Variants in TMPRSS9 observed in about 807,000 individuals in gnomAD.
TMPRSS9 encodes the protein transmembrane protease serine 9.
TMPRSS9 carries 113 observed loss-of-function variants against 111.4 expected under a neutral mutation model. The observed-to-expected ratio is 1.01, with a 90% confidence interval of 0.87 to 1.19. The LOEUF is 1.19. TMPRSS9 is among the 50% of genes most tolerant of loss of function. TMPRSS9 has a pLI of 0.00. For missense variants in TMPRSS9, 1,803 were observed against 1,513.1 expected (o/e 1.19, Z -3.18); for synonymous variants, 805 against 659.1 (o/e 1.22, Z -3.39).
chr19:2,425,777 T>C lies in TMPRSS9; in HGVS notation c.3121-150T>C, dbSNP rs534837455. 4.9e-3 allele frequency: 6,194 copies of C among 1,265,706 alleles called. 19 individuals carry two copies. Among genetic ancestry groups the C allele is most frequent in the South Asian group, 7.7e-3 (488 of 63,212 alleles). 78.4% of individuals were successfully genotyped at this position (1,265,706 alleles called of 1,614,324 possible). A position where few individuals can be genotyped will look rare whatever the true frequency, so the allele number is the denominator to read the frequency against. On this transcript the variant is annotated intron_variant, in intron 17 of 17. Transcript: ENST00000648592. ...CACGTGGCGGGTGTCCATAAATGTC[T>C]GCCACCTTTGCATTGAGCCCATTTT...
chr19:2,402,181 C>G (rs1970863877), intron 5 of TMPRSS9, among the ~76,000 whole-genome samples, 165 bp downstream of exon 6: 1 of 150,906 alleles, frequency 6.6e-6, no homozygotes. Context: ...TCACTTGAGG[C>G]CAGGAGTTTG....
chr19:2,414,213 T>TG, intron 10 of TMPRSS9, 195 bp downstream of exon 11: 1 of 576,214 alleles, frequency 1.7e-6, no homozygotes, highest in Non-Finnish European at 2.9e-6. Flanking sequence ...GCCCATGTCT[T>TG]GTTAACTATG....
chr19:2,374,125 G>T (rs2145250517), intron 1 of TMPRSS9, among the ~76,000 whole-genome samples: 1 of 152,002 alleles, frequency 6.6e-6, no homozygotes, highest in South Asian at 2.1e-4. Context: ...CCCCTCCGCG[G>T]CTTCACTGCT....
intron 5 of TMPRSS9, 80 bp downstream of exon 6, chr19:2,402,096 G>T: frequency 6.9e-7 from 1 of 1,452,820 alleles, no homozygotes; most frequent in Admixed American, 1.8e-5. Flanking sequence ...GGAAGTGAAG[G>T]AATCCCTGGA....
At chr19:2,384,442 G>A (rs139007053) in intron 1 of TMPRSS9, among the ~76,000 whole-genome samples, 6,477 of 151,658 alleles carry the variant, frequency 0.043, 152 homozygotes, top group African/African-American at 0.054. Context: ...TTGGGAGGCC[G>A]AGGCGAGCAG....
chr19:2,423,939 CTT>C (rs1971527191), intron 14 of TMPRSS9, 148 bp from the exon 16 acceptor site: 1 of 798,638 alleles, frequency 1.3e-6, no homozygotes, highest in South Asian at 6.4e-5. Context: ...GCCCAGTGTC[CTT>C]TCCTGCTGAG....
intron 13 of TMPRSS9, among the ~76,000 whole-genome samples, chr19:2,421,545 C>T (rs988013777): frequency 1.3e-5 from 2 of 152,058 alleles, no homozygotes; most frequent in Non-Finnish European, 2.9e-5. Flanking sequence ...CCTCAGCCTC[C>T]TAAAGTGCTG....
intron 7 of TMPRSS9, among the ~76,000 whole-genome samples, chr19:2,407,529 A>AAAAAC (rs748912875): frequency 6.6e-5 from 10 of 151,938 alleles, no homozygotes; most frequent in Non-Finnish European, 1.5e-4. Flanking sequence ...TCTGTCTCAA[A>AAAAAC]AAAACAAAAC....
chr19:2,376,358 C>T (rs1047563739), intron 1 of TMPRSS9, among the ~76,000 whole-genome samples: 3 of 152,136 alleles, frequency 2.0e-5, no homozygotes, highest in Non-Finnish European at 4.4e-5. Flanking sequence ...CTTGCAGAGT[C>T]GCTTTGGCCA....
chr19:2,426,166 G>C (rs1039861261), exon 18 of TMPRSS9: 11 of 1,213,746 alleles, frequency 9.1e-6, no homozygotes, highest in East Asian at 7.7e-5. Flanking sequence ...CCACCCCACC[G>C]TACCCTACCC....
At chr19:2,383,788 A>G (rs1970417044) in intron 1 of TMPRSS9, among the ~76,000 whole-genome samples, 1 of 150,710 alleles carries the variant, frequency 6.6e-6, no homozygotes, top group Non-Finnish European at 1.5e-5. Context: ...TGGGGGACAG[A>G]GTGAGACCCC....
At chr19:2,390,389 G>A (rs968167392) in intron 1 of TMPRSS9, among the ~76,000 whole-genome samples, 3 of 150,262 alleles carry the variant, frequency 2.0e-5, no homozygotes, top group Admixed American at 6.6e-5. Context: ...GACTACAGGC[G>A]CCCGCCACCA....
chr19:2,422,203 C>T (rs1599318653), exon 14 of TMPRSS9: 5 of 1,528,716 alleles, frequency 3.3e-6, no homozygotes, highest in East Asian at 2.3e-5. Context: ...GGACAGACGC[C>T]ATTTCCAGAC....
intron 1 of TMPRSS9, among the ~76,000 whole-genome samples, chr19:2,378,712 C>T (rs564367447): frequency 1.9e-4 from 29 of 152,112 alleles, no homozygotes; most frequent in South Asian, 1.7e-3. Context: ...AGCGAGACTC[C>T]GTCTAAAAAC....
intron 12 of TMPRSS9, 25 bp downstream of exon 13, chr19:2,416,834 A>G (rs753449939): frequency 1.3e-6 from 2 of 1,582,868 alleles, no homozygotes; most frequent in African/African-American, 2.7e-5. Context: ...ATCGAGGGGA[A>G]CGGTGGATTT....
At chr19:2,391,931 A>G (rs111757287) in intron 1 of TMPRSS9, among the ~76,000 whole-genome samples, 82,503 of 151,510 alleles carry the variant, frequency 0.54, 23,200 homozygotes, top group Middle Eastern at 0.68. Flanking sequence ...TAGTAGAGAT[A>G]GGGTTTTGCC....
At chr19:2,389,865 G>A (rs767590635) in exon 1 of TMPRSS9, 14 of 1,613,870 alleles carry the variant, frequency 8.7e-6, no homozygotes, top group East Asian at 2.2e-5. Flanking sequence ...GCGTGCTGTC[G>A]AGCGGCCAGC....
rs935803921 is a variant in TMPRSS9 at position 2,418,016 on chromosome 19, C to A, written c.2032C>A (p.Leu678Ile). ...TTCCCTGGTAGCCACCAAGCCCGAG[C>A]TCCTGCAGAAGGCGTCCGTGGGCAT... The change falls in exon 13 of 18, where the codon CTC becomes ATC. Residue 678 changes from leucine to isoleucine, a missense_variant. Physicochemically the swap from Leu to Ile is conservative, Grantham distance 5. Transcript: ENST00000648592. 2.1e-5 allele frequency: 34 copies of A among 1,611,676 alleles called. No individual in the cohort carries two copies. Among genetic ancestry groups the A allele is most frequent in the Non-Finnish European group, 2.8e-5 (33 of 1,179,572 alleles).
Position 2,418,297 on chromosome 19 carries a change from TTCCCTCCCTTTCCCTCCCTCCCTCCC to T in TMPRSS9, c.2154+173_2154+198del, listed in dbSNP as rs1333192626. ...CCCTCCTTTTCCTTTCCTCCTTTCC[TTCCCTCCCTTTCCCTCCCTCCCTCCC>T]TCCCTCCCTTTCCTTCCCTCCCTTT... On this transcript the variant is annotated intron_variant, in intron 13 of 17. Transcript: ENST00000648592. 2.6e-4 allele frequency among the ~76,000 whole-genome samples: 14 copies of T among 53,104 alleles called. 1 individual carries two copies. The highest frequency in any genetic ancestry group is 1.7e-3 in the African/African-American group (12 of 7,010). 34.8% of individuals were successfully genotyped at this position (53,104 alleles called of 152,430 possible).
Sources: gnomAD v4.1 joint callset for allele counts (sites outside exome capture counted in the v4.1 genomes callset) on GRCh38, gnomAD v4.1.1 for gene constraint, MANE v1.5 for transcripts, NCBI Gene and HGNC (gene_info 2026-07-23, HGNC 2026-07-21) for gene names.